MYO9A: variants seen among roughly 807,000 people sequenced by gnomAD.
The protein encoded by MYO9A is unconventional myosin-IXa.
MYO9A carries 103 observed loss-of-function variants against 293.3 expected under a neutral mutation model. The ratio of observed to expected loss-of-function variants is 0.35; its 90% CI spans 0.30 to 0.41. MYO9A has a LOEUF of 0.41. Among genes scored for constraint, MYO9A ranks in the 10% least tolerant of loss-of-function variants. MYO9A has a pLI of 1.00. For missense variants in MYO9A, 2,685 were observed against 3,033.0 expected, an observed-to-expected ratio of 0.89 and a Z score of 2.69; for synonymous variants, 1,001 against 1,035.7, an observed-to-expected ratio of 0.97 and a Z score of 0.64.
chr15:72,104,891 A>G (rs1490355088), intron 1 of MYO9A, among the ~76,000 whole-genome samples: 2 of 152,266 alleles, frequency 1.3e-5, no homozygotes, highest in Non-Finnish European at 2.9e-5. Flanking sequence ...TAAGATGTAC[A>G]TAAGAGCAGA....
At chr15:72,045,599 G>T (rs1248676462) in intron 2 of MYO9A, 125 bp downstream of exon 2, 24 of 1,110,256 alleles carry the variant, frequency 2.2e-5, no homozygotes, top group Admixed American at 8.6e-5. Context: ...AGATGGAACA[G>T]TATCTTGCTT....
intron 1 of MYO9A, among the ~76,000 whole-genome samples, chr15:72,080,945 T>C (rs1001414127): frequency 6.6e-6 from 1 of 152,154 alleles, no homozygotes; most frequent in African/African-American, 2.4e-5. Flanking sequence ...TACACCACAT[T>C]TTCTTTACCG....
intron 1 of MYO9A, among the ~76,000 whole-genome samples, chr15:72,114,078 A>G (rs1277945793): frequency 2.6e-5 from 4 of 152,148 alleles, no homozygotes; most frequent in African/African-American, 9.7e-5. Flanking sequence ...CTCCAGCTTT[A>G]TTAGGTTCTT....
rs1035921418 is a variant in MYO9A, at chr15:71,946,715, T to C, written c.2302+5062A>G. Among the ~76,000 whole-genome samples, 64 of 152,270 alleles carry C rather than the reference T, an allele frequency of 4.2e-4. 4 individuals carry two copies. ...GTGCTTAACAGCCACATGTGGCTAG[T>C]GGCTACAGTACTGACAGTGTAGCTG... is the stretch of plus-strand genomic sequence containing the variant. On this transcript the variant is annotated intron_variant, in intron 15 of 41. Transcript: ENST00000356056.
intron 39 of MYO9A, among the ~76,000 whole-genome samples, chr15:71,833,672 G>C (rs1031804692): frequency 5.9e-5 from 9 of 151,814 alleles, no homozygotes; most frequent in African/African-American, 2.2e-4. Flanking sequence ...AATTCCAAGG[G>C]TTGAAATAAT....
chr15:72,055,793 A>G (rs553885703), intron 1 of MYO9A, among the ~76,000 whole-genome samples: 2 of 148,696 alleles, frequency 1.3e-5, no homozygotes, highest in South Asian at 4.2e-4. Flanking sequence ...AATGGCCATA[A>G]AAAAAATCAA....
chr15:72,103,826 A>G (rs1362678697), intron 1 of MYO9A, among the ~76,000 whole-genome samples: 1 of 152,260 alleles, frequency 6.6e-6, no homozygotes, highest in African/African-American at 2.4e-5. Flanking sequence ...AAAGCAAAAA[A>G]CAGTCACAAA....
At position 71,826,982 on chromosome 15, in the gene MYO9A, C is replaced by T. The variant is rs2054531102; in HGVS notation, c.7245G>A (p.Leu2415=). 9.3e-6 allele frequency: 15 copies of T among 1,613,174 alleles called. No homozygotes were observed. The highest frequency in any genetic ancestry group is 1.3e-5 in the African/African-American group (1 of 74,846). The stretch of plus-strand genomic sequence containing the variant: ...CTTGCTGCTTTTTAAGTTGCTTTCG[C>T]AACTTGCTGGAAGGTTCAGACTTGC... ...TAGKSEPSSK[L]RKQLKKQQDS... is the part of the protein sequence containing the mutation. The change falls in exon 42 of 42, where the codon TTG becomes TTA. Residue 2415 remains leucine, a synonymous_variant. Transcript: ENST00000356056.
rs1235953210 is a variant in MYO9A, at chr15:71,903,013, G to A, written c.2928C>T (p.Ser976=). 1.3e-6 allele frequency: 2 copies of A among 1,588,330 alleles called. No homozygotes were observed. The highest frequency in any genetic ancestry group is 2.7e-5 in the African/African-American group (2 of 74,212). The change falls in exon 22 of 42, where the codon TCC becomes TCT. Residue 976 remains serine, a synonymous_variant. Transcript: ENST00000356056. ...HVLLPRNIIP[S]KFNIQDFFRK... Reference sequence around the variant, plus strand: ...TGAAGAAATCCTGAATGTTAAATTTGGATGGAATAATATTTCGGGGAAGAA... The same window carrying A: ...TGAAGAAATCCTGAATGTTAAATTTAGATGGAATAATATTTCGGGGAAGAA...
chr15:72,065,189 T>C (rs1034587326), intron 1 of MYO9A, among the ~76,000 whole-genome samples: 4 of 152,148 alleles, frequency 2.6e-5, no homozygotes, highest in Admixed American at 6.5e-5. Flanking sequence ...TGAAAGGTAA[T>C]AAAATTAACA....
intron 14 of MYO9A, among the ~76,000 whole-genome samples, chr15:71,957,186 C>T (rs2059222562): frequency 6.6e-6 from 1 of 152,152 alleles, no homozygotes; most frequent in African/African-American, 2.4e-5. Flanking sequence ...GTGGCTACAT[C>T]AGTAGTATAC....
chr15:72,095,222 T>C (rs1335416666), intron 1 of MYO9A, among the ~76,000 whole-genome samples: 2 of 92,386 alleles, frequency 2.2e-5, no homozygotes, highest in African/African-American at 5.1e-5. Context: ...AAAGGAAAAC[T>C]TGAAGGAAAT....
chr15:72,102,499 T>TAAAAAAAAAAAAAAAAAAAAAAA (rs55804686), intron 1 of MYO9A, among the ~76,000 whole-genome samples: 2 of 114,458 alleles, frequency 1.7e-5, no homozygotes, highest in Admixed American at 8.5e-5. Flanking sequence ...TAAATAAATT[T>TAAAAAAAAAAAAAAAAAAAAAAA]AAAAAAAAAA....
chr15:71,826,490 T>G lies in MYO9A; in HGVS notation c.*90A>C. 1 of 1,251,306 alleles carries G rather than the reference T, an allele frequency of 8.0e-7. No individual in the cohort carries two copies. Among genetic ancestry groups the G allele is most frequent in the Non-Finnish European group, 1.1e-6 (1 of 898,570 alleles). 77.5% of individuals were successfully genotyped at this position (1,251,306 alleles called of 1,614,324 possible). ...AAAGAGGCAGGACCACAATTAGGAT[T>G]GACTATTGTGGACGAGGTGATGAAA... On this transcript the variant is annotated 3_prime_UTR_variant, in exon 42 of 42. Transcript: ENST00000356056.
At chr15:71,945,261 T>C (rs2058883146) in intron 15 of MYO9A, among the ~76,000 whole-genome samples, 3 of 152,210 alleles carry the variant, frequency 2.0e-5, no homozygotes, top group African/African-American at 7.2e-5. Context: ...GTCACTCACA[T>C]AGTTGGTGAC....
intron 12 of MYO9A, among the ~76,000 whole-genome samples, chr15:71,976,887 T>C (rs1221572365): frequency 6.6e-6 from 1 of 152,220 alleles, no homozygotes; most frequent in African/African-American, 2.4e-5. Flanking sequence ...TTACCTCTAA[T>C]AGTAAATCCT....
chr15:71,986,100 G>A (rs1271934542), intron 11 of MYO9A, among the ~76,000 whole-genome samples: 6 of 151,946 alleles, frequency 3.9e-5, no homozygotes, highest in East Asian at 3.9e-4. Flanking sequence ...AGATCCAACC[G>A]ACCACATATC....
intron 20 of MYO9A, among the ~76,000 whole-genome samples, chr15:71,904,613 A>G (rs1051260785): frequency 6.6e-6 from 1 of 152,226 alleles, no homozygotes; most frequent in African/African-American, 2.4e-5. Flanking sequence ...AGATCATGCC[A>G]CTGCACTCCA....
intron 3 of MYO9A, among the ~76,000 whole-genome samples, chr15:72,029,317 G>T (rs2077788546): frequency 6.6e-6 from 1 of 152,166 alleles, no homozygotes. Flanking sequence ...AGACAATTTT[G>T]TTGTTTGTCA....
Sources: gnomAD v4.1 joint callset for allele counts (sites outside exome capture counted in the v4.1 genomes callset) on GRCh38, gnomAD v4.1.1 for gene constraint, MANE v1.5 for transcripts, NCBI Gene and HGNC (gene_info 2026-07-23, HGNC 2026-07-21) for gene names.